KLHL14: variants seen among roughly 807,000 people sequenced by gnomAD.
KLHL14 encodes kelch-like protein 14.
A neutral mutation model predicts 64.3 loss-of-function variants in KLHL14; 22 were observed. That is an observed-to-expected ratio of 0.34 (90% CI 0.24 to 0.49). The LOEUF (loss-of-function observed/expected upper bound fraction) is 0.49, where lower values mean the gene tolerates loss of function less well. Among genes scored for constraint, KLHL14 ranks in the 20% least tolerant of loss-of-function variants. The pLI, the probability that KLHL14 is intolerant of heterozygous loss-of-function variation, is 0.99. For missense variants in KLHL14, 661 were observed against 789.0 expected (o/e 0.84, Z 1.94); for synonymous variants, 322 against 333.4 (o/e 0.97, Z 0.37).
intron 2 of KLHL14, among the ~76,000 whole-genome samples, chr18:32,748,848 C>T (rs113290227): frequency 6.6e-5 from 10 of 152,208 alleles, no homozygotes; most frequent in African/African-American, 2.2e-4. Context: ...AGACCTAAGG[C>T]GCAGGCATCT....
At chr18:32,691,694 G>A (rs971107702) in intron 4 of KLHL14, among the ~76,000 whole-genome samples, 4 of 152,154 alleles carry the variant, frequency 2.6e-5, no homozygotes, top group African/African-American at 9.7e-5. Flanking sequence ...AGATGAAATG[G>A]GGTTATTCTC....
At position 32,694,049 on chromosome 18, in the gene KLHL14, T is replaced by A. The variant is rs77489875; in HGVS notation, c.1159+1414A>T. On this transcript the variant is annotated intron_variant, in intron 4 of 8. Transcript: ENST00000359358. ...TCTGTGTTGCTGCTTAAGATCTGAC[T>A]TAAGACCTTAAGTCAGGGAGATTCA... is the stretch of plus-strand genomic sequence containing the variant. Among the ~76,000 whole-genome samples, 46 of 152,270 alleles carry A rather than the reference T, an allele frequency of 3.0e-4. 2 individuals carry two copies. The East Asian group carries it at 7.1e-3, about 24-fold the overall frequency.
In KLHL14 at chr18:32,770,219, G is replaced by A. The variant is rs778970024; in HGVS notation, c.373C>T (p.Leu125=). 6.2e-7 allele frequency: 1 copy of A among 1,608,690 alleles called. No homozygotes were observed. The highest frequency in any genetic ancestry group is 1.7e-5 in the Admixed American group (1 of 59,904). ...LLTSPRAINN[L]VLQGCSSIGL... is the part of the protein sequence containing the mutation. ...ATGGACGAGCAGCCCTGCAGCACCA[G>A]GTTGTTGATGGCCCGGGGGCTGGTC... Residue 125 remains leucine (L), a synonymous_variant, in exon 2 of 9, where the codon CTG becomes TTG. Transcript: ENST00000359358. This position sits in a 1 kb window ranked among gnomAD's most constrained non-coding sequence, Gnocchi z 6.7.
intron 2 of KLHL14, among the ~76,000 whole-genome samples, chr18:32,766,070 A>G (rs1479034755): frequency 6.6e-6 from 1 of 152,086 alleles, no homozygotes; most frequent in Non-Finnish European, 1.5e-5. Flanking sequence ...GTGCAATAGT[A>G]ATGTAGATTA....
Position 32,771,014 on chromosome 18 carries a change from C to T in KLHL14, c.-43-380G>A, listed in dbSNP as rs1045273329. ...CTGAGGCCGAGGCACCTCGTGGGCT[C>T]GTGTCCATGCCGGGCCAGATGAAGG... On this transcript the variant is annotated intron_variant, in intron 1 of 8. Coordinates refer to ENST00000359358, the MANE Select transcript of KLHL14 (RefSeq NM_020805.3). 7.3e-5 allele frequency: 28 copies of T among 383,540 alleles called. 1 individual carries two copies. In the Admixed American group the frequency reaches 8.1e-4, roughly 11 times the overall value. 23.8% of individuals were successfully genotyped at this position (383,540 alleles called of 1,614,324 possible).
chr18:32,706,370 G>A (rs2049990326), intron 3 of KLHL14, among the ~76,000 whole-genome samples: 1 of 152,194 alleles, frequency 6.6e-6, no homozygotes, highest in Non-Finnish European at 1.5e-5. Context: ...TGATTGCTGG[G>A]AAAAGGTGAA....
intron 2 of KLHL14, 50 bp from the exon 3 acceptor site, chr18:32,742,099 T>C (rs779285411): frequency 1.3e-6 from 2 of 1,566,012 alleles, no homozygotes; most frequent in South Asian, 2.4e-5. Flanking sequence ...CTGTAGAGTC[T>C]TTTTAGTGGC....
chr18:32,764,544 C>T (rs932688159), intron 2 of KLHL14, among the ~76,000 whole-genome samples: 2 of 152,110 alleles, frequency 1.3e-5, no homozygotes, highest in African/African-American at 4.8e-5. Flanking sequence ...GTTGGCAAAC[C>T]GTGGCTCACA....
At chr18:32,749,096 C>T (rs191123019) in intron 2 of KLHL14, among the ~76,000 whole-genome samples, 25 of 152,286 alleles carry the variant, frequency 1.6e-4, no homozygotes, top group Admixed American at 1.2e-3. Flanking sequence ...AAGAGTTGTA[C>T]TTCAATTGTT....
In KLHL14 at chr18:32,680,905, A is replaced by T. The variant is rs532191431; in HGVS notation, c.1239-306T>A. On this transcript the variant is annotated intron_variant, in intron 5 of 8. Coordinates refer to ENST00000359358, the MANE Select transcript of KLHL14 (RefSeq NM_020805.3). This position sits in a 1 kb window ranked among gnomAD's most constrained non-coding sequence, Gnocchi z 4.8. ...TGTTAAGTGTTCATTAATATTTGGG[A>T]TATTCGGTACCTTGTAAGGATATCG... Among the ~76,000 whole-genome samples the T allele has an allele frequency of 4.6e-4, 70 of 152,086 alleles. No homozygotes were observed. Among genetic ancestry groups the T allele is most frequent in the Non-Finnish European group, 9.4e-4 (64 of 68,010 alleles).
At chr18:32,700,695 C>T (rs756418164) in intron 3 of KLHL14, among the ~76,000 whole-genome samples, 4 of 152,056 alleles carry the variant, frequency 2.6e-5, no homozygotes, top group Non-Finnish European at 5.9e-5. Flanking sequence ...AGCAGCAAAC[C>T]GGGTACACAC....
At chr18:32,758,759 A>G (rs2144546911) in intron 2 of KLHL14, among the ~76,000 whole-genome samples, 1 of 152,254 alleles carries the variant, frequency 6.6e-6, no homozygotes, top group East Asian at 1.9e-4. Flanking sequence ...AGCCATAAAA[A>G]TAAATGAATT....
intron 3 of KLHL14, among the ~76,000 whole-genome samples, chr18:32,730,014 G>T (rs1454353600): frequency 6.6e-6 from 1 of 152,220 alleles, no homozygotes; most frequent in African/African-American, 2.4e-5. Flanking sequence ...GGTCTCACTT[G>T]TTGAATGGTC....
Position 32,680,428 on chromosome 18 carries a change from A to G in KLHL14, c.1410T>C (p.Asn470=), listed in dbSNP as rs746982404. ...PLAAHAGAVH[N]GKIYISGGVH... is the part of the protein sequence containing the mutation. The stretch of plus-strand genomic sequence containing the variant: ...ACTTGCCTGAAATGTATATTTTCCC[A>G]TTGTGCACTGCTCCCGCATGAGCCG... The change falls in exon 6 of 9, where the codon AAT becomes AAC. Residue 470 remains asparagine, a synonymous_variant. Coordinates refer to ENST00000359358, the MANE Select transcript of KLHL14 (RefSeq NM_020805.3). This position sits in a 1 kb window ranked among gnomAD's most constrained non-coding sequence, Gnocchi z 4.8. 1.1e-5 allele frequency: 17 copies of G among 1,613,976 alleles called. No homozygotes were observed. The highest frequency in any genetic ancestry group is 1.4e-5 in the Non-Finnish European group (16 of 1,179,884).
chr18:32,690,016 A>G (rs2049899121), intron 4 of KLHL14, among the ~76,000 whole-genome samples: 1 of 152,156 alleles, frequency 6.6e-6, no homozygotes, highest in South Asian at 2.1e-4. Context: ...ACATTTAGCT[A>G]CTCAGGGGCA....
At chr18:32,720,623 G>A (rs573243127) in intron 3 of KLHL14, among the ~76,000 whole-genome samples, 68 of 152,270 alleles carry the variant, frequency 4.5e-4, no homozygotes, top group African/African-American at 1.6e-3. Context: ...TGAATGTTCA[G>A]GATGCGAAGG....
chr18:32,722,903 C>T (rs912464434), intron 3 of KLHL14, among the ~76,000 whole-genome samples: 4 of 152,090 alleles, frequency 2.6e-5, no homozygotes, highest in Non-Finnish European at 4.4e-5. Context: ...TATAGGGAGC[C>T]ATGACCACAC....
intron 3 of KLHL14, among the ~76,000 whole-genome samples, chr18:32,734,445 T>G (rs933216722): frequency 1.3e-5 from 2 of 152,180 alleles, no homozygotes; most frequent in African/African-American, 4.8e-5. Flanking sequence ...CATTTTCTCT[T>G]GTCAGTTTAA....
chr18:32,771,353 A>G (rs192772902), intron 1 of KLHL14, among the ~76,000 whole-genome samples: 1 of 152,294 alleles, frequency 6.6e-6, no homozygotes, highest in Admixed American at 6.5e-5. Flanking sequence ...TGGAATCGGC[A>G]GAGGCGGGAG....
Sources: allele counts gnomAD v4.1 joint callset (sites outside exome capture counted in the v4.1 genomes callset), GRCh38; gene constraint gnomAD v4.1.1; non-coding constraint Gnocchi (gnomAD v3.1); transcripts MANE v1.5; gene names NCBI Gene and HGNC (gene_info 2026-07-23, HGNC 2026-07-21).